Variants in NFIL3 observed in about 807,000 individuals in gnomAD.
The protein encoded by NFIL3 is nuclear factor, interleukin 3 regulated, also known as nuclear factor interleukin-3-regulated protein.
Under a neutral mutation model 10.0 loss-of-function variants are expected in NFIL3, and 5 were observed. The ratio of observed to expected loss-of-function variants is 0.50; its 90% CI spans 0.26 to 1.06. NFIL3 has a LOEUF of 1.06. Among genes scored for constraint, NFIL3 ranks in the 50% least tolerant of loss-of-function variants. The pLI is 0.13. For synonymous variants in NFIL3, 202 were observed against 206.5 expected (o/e 0.98, Z 0.19); for missense variants, 436 against 547.6 (o/e 0.80, Z 2.03).
the NFIL3 span, among the ~76,000 whole-genome samples, chr9:91,441,597 CTT>C: frequency 2.0e-5 from 3 of 151,838 alleles, no homozygotes; most frequent in African/African-American, 7.2e-5. Context: ...TTTTGTCTAT[CTT>C]TGTGATTTGA....
the NFIL3 span, among the ~76,000 whole-genome samples, chr9:91,473,570 A>G: frequency 6.6e-6 from 1 of 152,246 alleles, no homozygotes; most frequent in South Asian, 2.1e-4. Flanking sequence ...GGAAAAGCAC[A>G]CTATTAGGGC....
chr9:91,419,743 G>A (rs1833722760), intron 1 of NFIL3, among the ~76,000 whole-genome samples: 1 of 152,226 alleles, frequency 6.6e-6, no homozygotes, highest in African/African-American at 2.4e-5. Context: ...CTTTTCTGAA[G>A]AATGATCAGT....
the NFIL3 span, among the ~76,000 whole-genome samples, chr9:91,443,318 C>G: frequency 1.8e-4 from 28 of 152,230 alleles, no homozygotes; most frequent in Non-Finnish European, 3.8e-4. Flanking sequence ...AGCCTGGCCC[C>G]CATGCTTCAG....
chr9:91,472,261 G>A, the NFIL3 span, among the ~76,000 whole-genome samples: 1 of 152,166 alleles, frequency 6.6e-6, no homozygotes, highest in Non-Finnish European at 1.5e-5. Context: ...GCCTAGCTAG[G>A]TTGGGGAAGT....
At chr9:91,452,851 C>T in the NFIL3 span, among the ~76,000 whole-genome samples, 1 of 150,982 alleles carries the variant, frequency 6.6e-6, no homozygotes, top group African/African-American at 2.5e-5. Flanking sequence ...TTGTCAGGAC[C>T]TCCTGAGGCT....
chr9:91,477,439 T>C, the NFIL3 span, among the ~76,000 whole-genome samples: 3 of 152,312 alleles, frequency 2.0e-5, no homozygotes, highest in Non-Finnish European at 4.4e-5. Flanking sequence ...GGTCAACTGA[T>C]TGGCGACCTT....
chr9:91,418,615 T>G (rs957370274), intron 1 of NFIL3, among the ~76,000 whole-genome samples: 1 of 152,228 alleles, frequency 6.6e-6, no homozygotes, highest in African/African-American at 2.4e-5. Context: ...AATGCTTATT[T>G]GTAGTGTTTA....
At chr9:91,481,382 T>C in the NFIL3 span, among the ~76,000 whole-genome samples, 1 of 152,218 alleles carries the variant, frequency 6.6e-6, no homozygotes, top group Non-Finnish European at 1.5e-5. Context: ...ATAAGATACA[T>C]ATTGCCGTGT....
chr9:91,421,129 AG>A (rs928933504), intron 1 of NFIL3, among the ~76,000 whole-genome samples: 2 of 151,748 alleles, frequency 1.3e-5, no homozygotes, highest in African/African-American at 4.8e-5. Context: ...ACCTCACCGC[AG>A]AACAGGCGCG....
At chr9:91,459,478 C>T in the NFIL3 span, among the ~76,000 whole-genome samples, 10 of 152,170 alleles carry the variant, frequency 6.6e-5, no homozygotes, top group Non-Finnish European at 1.3e-4. Context: ...AGTTTGAGAT[C>T]AGCCTGGGCA....
chr9:91,447,734 C>A, the NFIL3 span, among the ~76,000 whole-genome samples: 2 of 152,210 alleles, frequency 1.3e-5, no homozygotes, highest in African/African-American at 4.8e-5. Context: ...TGATATTGAA[C>A]CCTTATGAGT....
intron 1 of NFIL3, among the ~76,000 whole-genome samples, chr9:91,417,762 T>A (rs1833684671): frequency 6.6e-6 from 1 of 152,026 alleles, no homozygotes; most frequent in African/African-American, 2.4e-5. Context: ...TACCCCAAAG[T>A]TAGAGAGAAA....
the NFIL3 span, among the ~76,000 whole-genome samples, chr9:91,436,164 C>G: frequency 6.6e-6 from 1 of 152,238 alleles, no homozygotes; most frequent in South Asian, 2.1e-4. Flanking sequence ...GCACACTCCT[C>G]CAATGCTGCT....
chr9:91,422,912 G>A (rs1195835087), intron 1 of NFIL3, among the ~76,000 whole-genome samples: 1 of 152,134 alleles, frequency 6.6e-6, no homozygotes, highest in African/African-American at 2.4e-5. Context: ...CCAACGCTGC[G>A]CCTCAATTAC....
At chr9:91,415,363 G>A (rs1833634952) in intron 1 of NFIL3, among the ~76,000 whole-genome samples, 2 of 152,198 alleles carry the variant, frequency 1.3e-5, no homozygotes, top group Admixed American at 1.3e-4. Flanking sequence ...CACTTTTGGT[G>A]ACAATTTTCA....
chr9:91,466,263 T>A, the NFIL3 span, among the ~76,000 whole-genome samples: 2 of 152,106 alleles, frequency 1.3e-5, no homozygotes, highest in Non-Finnish European at 2.9e-5. Context: ...ACAACCCAAC[T>A]CCAGCCAGAG....
At chr9:91,459,892 C>T in the NFIL3 span, among the ~76,000 whole-genome samples, 3 of 151,920 alleles carry the variant, frequency 2.0e-5, no homozygotes, top group African/African-American at 4.8e-5. Context: ...TGAGACATAC[C>T]GTAGAGTCTT....
At chr9:91,422,209 T>C (rs1280664523) in intron 1 of NFIL3, among the ~76,000 whole-genome samples, 1 of 152,184 alleles carries the variant, frequency 6.6e-6, no homozygotes, top group Non-Finnish European at 1.5e-5. Context: ...GCGAAATGCC[T>C]TCCTAAAAAT....
the NFIL3 span, among the ~76,000 whole-genome samples, chr9:91,442,963 T>C: frequency 1.3e-5 from 2 of 152,268 alleles, no homozygotes; most frequent in East Asian, 3.9e-4. Context: ...TTGTCCCACA[T>C]CCAGGAAAAA....
Sources: allele counts gnomAD v4.1 joint callset (sites outside exome capture counted in the v4.1 genomes callset), GRCh38; gene constraint gnomAD v4.1.1; transcripts MANE v1.5; gene names NCBI Gene and HGNC (gene_info 2026-07-23, HGNC 2026-07-21).